The following MYOM2 variants were observed in gnomAD, a reference collection of about 807,000 sequenced individuals.
MYOM2 encodes the protein myomesin-2.
In MYOM2, 254 loss-of-function variants were observed where a neutral mutation model predicts 187.6. The observed-to-expected ratio is 1.35, with a 90% CI of 1.22 to 1.50. The LOEUF (loss-of-function observed/expected upper bound fraction) is 1.50. Among genes scored for constraint, MYOM2 ranks in the 40% most tolerant of loss-of-function variants. The probability of loss-of-function intolerance (pLI) is 0.00; values close to 1 mark genes in which losing one functional copy is unlikely to be tolerated. For missense variants in MYOM2, 2,796 were observed against 1,924.0 expected, an observed-to-expected ratio of 1.45 and a Z score of -8.48; for synonymous variants, 981 against 753.8, an observed-to-expected ratio of 1.30 and a Z score of -4.94.
At chr8:2,098,414 G>A (rs1485485854) in intron 18 of MYOM2, among the ~76,000 whole-genome samples, 3 of 152,300 alleles carry the variant, frequency 2.0e-5, no homozygotes, top group East Asian at 1.9e-4. Flanking sequence ...TATGGGGGAC[G>A]TGGTGGGCTC....
chr8:2,059,804 A>G (rs1818792181), intron 6 of MYOM2, among the ~76,000 whole-genome samples: 1 of 143,914 alleles, frequency 6.9e-6, no homozygotes, highest in African/African-American at 2.6e-5. Context: ...GTGCAATGGC[A>G]TGGTCTCGGC....
chr8:2,067,692 A>C (rs3779854), intron 6 of MYOM2, among the ~76,000 whole-genome samples: 51,841 of 152,056 alleles, frequency 0.34, 10,848 homozygotes, highest in Middle Eastern at 0.47. Flanking sequence ...GGGAAGCAGA[A>C]GACCCACCCC....
chr8:2,092,242 C>A lies in MYOM2; in HGVS notation c.1829-104C>A, dbSNP rs1796329229. 4 of 1,360,714 alleles carry A rather than the reference C, an allele frequency of 2.9e-6. No homozygotes were observed. The Admixed American group carries it at 8.3e-5, about 28-fold the overall frequency. The allele number at this position is 1,360,714 out of a possible 1,614,324, so 84.3% of individuals were successfully genotyped here. On this transcript the variant is annotated intron_variant, in intron 15 of 36. Coordinates refer to ENST00000262113, the MANE Select transcript of MYOM2 (RefSeq NM_003970.4). The stretch of plus-strand genomic sequence containing the variant: ...CTTGTCTGAATTTCTTCCAAAGCCC[C>A]CAGTCTGGCTGTCCAGTTCCCTGTG...
chr8:2,099,852 A>G (rs962206141), intron 19 of MYOM2, among the ~76,000 whole-genome samples: 1 of 152,246 alleles, frequency 6.6e-6, no homozygotes, highest in African/African-American at 2.4e-5. Flanking sequence ...GTTGAAGCTG[A>G]AAAAGTTCAA....
At chr8:2,088,999 G>A (rs967922765) in intron 14 of MYOM2, among the ~76,000 whole-genome samples, 1 of 152,014 alleles carries the variant, frequency 6.6e-6, no homozygotes, top group African/African-American at 2.4e-5. Context: ...ACGCCCTGGG[G>A]GCTCCCACCA....
intron 13 of MYOM2, among the ~76,000 whole-genome samples, chr8:2,084,421 A>G (rs952392464): frequency 6.6e-6 from 1 of 152,200 alleles, no homozygotes; most frequent in South Asian, 2.1e-4. Context: ...GGTTTTGAGA[A>G]TGGCTCAGAG....
intron 6 of MYOM2, among the ~76,000 whole-genome samples, chr8:2,065,542 C>G (rs1474581910): frequency 6.6e-6 from 1 of 152,152 alleles, no homozygotes; most frequent in Non-Finnish European, 1.5e-5. Context: ...TGCACTTCAG[C>G]CCGGGTGACA....
intron 36 of MYOM2, 74 bp downstream of exon 36, chr8:2,143,530 G>C: frequency 1.3e-6 from 2 of 1,574,940 alleles, no homozygotes; most frequent in Non-Finnish European, 1.7e-6. Flanking sequence ...TCTTGGGGCG[G>C]AGCAGAGGGA....
chr8:2,055,530 G>T (rs1818635230), intron 3 of MYOM2, among the ~76,000 whole-genome samples: 1 of 152,004 alleles, frequency 6.6e-6, no homozygotes, highest in Non-Finnish European at 1.5e-5. Context: ...GGACAGGGAG[G>T]TGCGAGGTGA....
chr8:2,127,948 A>G (rs1797714592), intron 31 of MYOM2: 1 of 152,314 alleles, frequency 6.6e-6, no homozygotes, highest in South Asian at 2.1e-4. Context: ...TCACCATCAT[A>G]ACAGTTTCTA....
intron 20 of MYOM2, among the ~76,000 whole-genome samples, chr8:2,101,704 G>A (rs1320323147): frequency 2.0e-5 from 3 of 152,074 alleles, no homozygotes; most frequent in Non-Finnish European, 4.4e-5. Context: ...ATGTCTGTGT[G>A]CTTTCCAAAG....
At chr8:2,132,692 T>A (rs1311944578) in intron 32 of MYOM2, among the ~76,000 whole-genome samples, 2 of 152,188 alleles carry the variant, frequency 1.3e-5, no homozygotes, top group Non-Finnish European at 2.9e-5. Context: ...GATCAAGGAA[T>A]CCTCTTGCCT....
rs568923144 is a variant in MYOM2, at chr8:2,140,873, C to G, written c.3951C>G (p.Asp1317Glu). The change falls in exon 33 of 37, where the codon GAC (aspartate) becomes GAG (glutamate). Residue 1317 changes from aspartate to glutamate, a missense_variant. Asp to Glu is a conservative substitution (Grantham distance 45, BLOSUM62 2). Transcript: ENST00000262113. The stretch of plus-strand genomic sequence containing the variant: ...AAGACAACCATCAACGCTCCCTTGA[C>G]CTGTCCGGACAAGGTAAGAGAATTC... Reference protein sequence around the residue: ...DGKDNHQRSLDLSGQAFDEAF... With the variant: ...DGKDNHQRSLELSGQAFDEAF... 3.7e-5 allele frequency: 59 copies of G among 1,613,522 alleles called. No individual in the cohort carries two copies. The South Asian group carries it at 5.7e-4, about 16-fold the overall frequency.
At chr8:2,054,408 T>C (rs1818590822) in intron 3 of MYOM2, among the ~76,000 whole-genome samples, 2 of 152,144 alleles carry the variant, frequency 1.3e-5, no homozygotes, top group African/African-American at 4.8e-5. Context: ...AAAATGGGCC[T>C]CCCTGAATCT....
At position 2,145,397 on chromosome 8, in the gene MYOM2, A is replaced by C. The variant is rs1207638608; in HGVS notation, c.*416A>C. 1 of 249,710 alleles carries C rather than the reference A, an allele frequency of 4.0e-6. No homozygotes were observed. 15.5% of individuals were successfully genotyped at this position (249,710 alleles called of 1,614,324 possible). A position where few individuals can be genotyped will look rare whatever the true frequency, so the allele number is the denominator to read the frequency against. Reference sequence around the variant, plus strand: ...ATCCTGGCTGTCGAGGCTTTGAAGCATGTGTTACCTGGTTAAGCTTGTTTT... The same window carrying C: ...ATCCTGGCTGTCGAGGCTTTGAAGCCTGTGTTACCTGGTTAAGCTTGTTTT... On this transcript the variant is annotated 3_prime_UTR_variant, in exon 37 of 37. Transcript: ENST00000262113.
intron 21 of MYOM2, among the ~76,000 whole-genome samples, chr8:2,103,728 T>C (rs1796798733): frequency 6.6e-6 from 1 of 151,202 alleles, no homozygotes; most frequent in Admixed American, 6.6e-5. Context: ...TATATGTGTA[T>C]GTATGGATGG....
intron 13 of MYOM2, 125 bp from the exon 14 acceptor site, chr8:2,085,138 A>G (rs1819766623): frequency 8.3e-7 from 1 of 1,210,488 alleles, no homozygotes. Context: ...GGTTTGTTTG[A>G]CTTCCCCAAA....
intron 6 of MYOM2, among the ~76,000 whole-genome samples, chr8:2,068,695 C>T (rs1295431344): frequency 6.6e-6 from 1 of 152,224 alleles, no homozygotes; most frequent in Non-Finnish European, 1.5e-5. Context: ...CACCTTAGAA[C>T]TCGCATGGGA....
chr8:2,065,514 G>T (rs892769229), intron 6 of MYOM2, among the ~76,000 whole-genome samples: 1 of 152,130 alleles, frequency 6.6e-6, no homozygotes, highest in African/African-American at 2.4e-5. Flanking sequence ...AGGTTTCAGT[G>T]AGCCAAGATC....
Sources: allele counts gnomAD v4.1 joint callset (sites outside exome capture counted in the v4.1 genomes callset), GRCh38; gene constraint gnomAD v4.1.1; transcripts MANE v1.5; gene names NCBI Gene and HGNC (gene_info 2026-07-23, HGNC 2026-07-21).